The following TYW1B variants were observed in gnomAD, a reference collection of about 807,000 sequenced individuals.
TYW1B encodes the protein tRNA-yW synthesizing protein 1 homolog B, also known as S-adenosyl-L-methionine-dependent tRNA 4-demethylwyosine synthase TYW1B.
In TYW1B, 73 loss-of-function variants were observed where a neutral mutation model predicts 86.9. The ratio of observed to expected loss-of-function variants is 0.84; its 90% confidence interval spans 0.70 to 1.02. TYW1B has a LOEUF of 1.02. Among genes scored for constraint, TYW1B ranks in the 50% least tolerant of loss-of-function variants. The pLI is 0.00. For synonymous variants in TYW1B, 248 were observed against 292.8 expected (o/e 0.85, Z 1.56); for missense variants, 637 against 827.4 (o/e 0.77, Z 2.82).
intron 6 of TYW1B, among the ~76,000 whole-genome samples, chr7:72,800,520 G>T (rs1788386416): frequency 6.6e-6 from 1 of 151,940 alleles, no homozygotes; most frequent in Non-Finnish European, 1.5e-5. Flanking sequence ...TATTTTTAGA[G>T]TCCCTTTTAA....
chr7:72,738,908 CA>C (rs1304858653), intron 8 of TYW1B, among the ~76,000 whole-genome samples: 396 of 146,936 alleles, frequency 2.7e-3, no homozygotes, highest in African/African-American at 9.2e-3. Context: ...CTGTCTCTAT[CA>C]AAAAAAAAAA....
intron 6 of TYW1B, among the ~76,000 whole-genome samples, chr7:72,801,981 G>A (rs1454328590): frequency 2.0e-5 from 3 of 151,534 alleles, no homozygotes; most frequent in African/African-American, 4.9e-5. Flanking sequence ...CCAACCCACA[G>A]CCCACTGGCC....
At position 72,810,520 on chromosome 7, in the gene TYW1B, T is replaced by C. The variant is rs782284907; in HGVS notation, c.383A>G (p.Asp128Gly). The C allele has an allele frequency of 4.3e-6, 7 of 1,613,794 alleles. No individual in the cohort carries two copies. The highest frequency in any genetic ancestry group is 5.9e-6 in the Non-Finnish European group (7 of 1,179,866). ...FGKTYLKGMRDAVFGLGNSAY... is the reference protein window; with the variant it reads ...FGKTYLKGMRGAVFGLGNSAY... ...AGAATTTCCCAGGCCAAATACCGCATCTCTCATACCCTTCAGGTAAGTTTT... is the reference window on the plus strand; with the variant it reads ...AGAATTTCCCAGGCCAAATACCGCACCTCTCATACCCTTCAGGTAAGTTTT... Residue 128 changes from aspartate to glycine, a missense_variant, in exon 4 of 14, where the codon GAT (aspartate) becomes GGT (glycine). Physicochemically the swap from Asp to Gly is moderately conservative, Grantham distance 94 (BLOSUM62 -1). Coordinates refer to ENST00000620995, the MANE Select transcript of TYW1B (RefSeq NM_001145440.3).
chr7:72,711,258 G>C (rs1786655256), intron 10 of TYW1B, among the ~76,000 whole-genome samples: 1 of 152,052 alleles, frequency 6.6e-6, no homozygotes, highest in African/African-American at 2.4e-5. Context: ...TATGGGAACA[G>C]ACACACACCT....
chr7:72,635,256 G>A (rs370272219), intron 11 of TYW1B, among the ~76,000 whole-genome samples: 1 of 152,082 alleles, frequency 6.6e-6, no homozygotes, highest in Non-Finnish European at 1.5e-5. Flanking sequence ...TCTCCTTCTG[G>A]TTTTTTCTAT....
intron 11 of TYW1B, among the ~76,000 whole-genome samples, chr7:72,671,595 G>A (rs1250837801): frequency 1.3e-5 from 2 of 152,126 alleles, no homozygotes; most frequent in African/African-American, 4.8e-5. Flanking sequence ...CCAGGTGTAT[G>A]AGAGTACTTA....
chr7:72,729,609 C>CA lies in TYW1B; in HGVS notation c.1083-679dup, dbSNP rs551735498. 1.5e-3 allele frequency among the ~76,000 whole-genome samples: 222 copies of CA among 151,594 alleles called. 3 individuals carry two copies. The East Asian group carries it at 0.033, about 22-fold the overall frequency. On this transcript the variant is annotated intron_variant, in intron 8 of 13. Coordinates refer to ENST00000620995, the MANE Select transcript of TYW1B (RefSeq NM_001145440.3). The stretch of plus-strand genomic sequence containing the variant: ...TGAGCCCATGCAGAACCTTGTAGTC[C>CA]AAAAAAAACAGGCAGCACAGTACAG...
chr7:72,785,172 TTAGA>T (rs1282629611), intron 6 of TYW1B, among the ~76,000 whole-genome samples: 2 of 152,024 alleles, frequency 1.3e-5, no homozygotes, highest in African/African-American at 4.8e-5. Flanking sequence ...AGAAGAAGTC[TTAGA>T]TAGTACTACA....
chr7:72,818,026 G>A (rs552654020), intron 2 of TYW1B, among the ~76,000 whole-genome samples: 3 of 149,916 alleles, frequency 2.0e-5, no homozygotes, highest in Admixed American at 6.7e-5. Flanking sequence ...TCAGCTTGCC[G>A]CCCTCCCCTT....
intron 7 of TYW1B, among the ~76,000 whole-genome samples, chr7:72,746,211 T>C (rs13307474): frequency 6.6e-6 from 1 of 152,176 alleles, no homozygotes; most frequent in Non-Finnish European, 1.5e-5. Flanking sequence ...TTGACCATGA[T>C]GCCTTTTAAC....
intron 13 of TYW1B, among the ~76,000 whole-genome samples, chr7:72,581,317 TGAG>T (rs1554429590): frequency 6.7e-6 from 1 of 149,454 alleles, no homozygotes. Flanking sequence ...CTGCAGAAAA[TGAG>T]AAGACCCTAC....
chr7:72,826,927 C>A lies in TYW1B; in HGVS notation c.63G>T (p.Arg21Ser), dbSNP rs782184025. ...CAGCAAAGCCCAGATAAATGTAAAACCTGTTTATCCATAATGATATTAAAG... is the reference window on the plus strand; with the variant it reads ...CAGCAAAGCCCAGATAAATGTAAAAACTGTTTATCCATAATGATATTAAAG... ...SSPLISLWINRFYIYLGFAVS... is the reference protein window; with the variant it reads ...SSPLISLWINSFYIYLGFAVS... The change falls in exon 2 of 14, where the codon AGG (arginine) becomes AGT (serine). Residue 21 changes from arginine (R) to serine (S), a missense_variant. Coordinates refer to ENST00000620995, the MANE Select transcript of TYW1B (RefSeq NM_001145440.3). 1.4e-5 allele frequency: 23 copies of A among 1,613,698 alleles called. No homozygotes were observed. In the Middle Eastern group the frequency reaches 6.6e-4, roughly 46 times the overall value.
chr7:72,764,878 G>A (rs1399414523), intron 7 of TYW1B, among the ~76,000 whole-genome samples: 1 of 152,076 alleles, frequency 6.6e-6, no homozygotes, highest in Non-Finnish European at 1.5e-5. Context: ...TCTCACATAA[G>A]CTATCTATAG....
In TYW1B at chr7:72,578,755, T is replaced by C. The variant is rs188794197; in HGVS notation, c.1786-3036A>G. ...AATACAACATAGCGTGTATAGTGGG[T>C]GAGGTTATGTACAAGGCACTTGGGG... On this transcript the variant is annotated intron_variant, in intron 13 of 13. Transcript: ENST00000620995. Among the ~76,000 whole-genome samples the C allele has an allele frequency of 1.8e-3, 280 of 152,202 alleles. 1 individual carries two copies. Among genetic ancestry groups the C allele is most frequent in the African/African-American group, 6.5e-3 (268 of 41,522 alleles).
intron 13 of TYW1B, among the ~76,000 whole-genome samples, chr7:72,596,179 CAAA>C (rs58325295): frequency 0.014 from 817 of 56,392 alleles, 24 homozygotes; most frequent in East Asian, 0.099. Context: ...AACTCTGTCT[CAAA>C]AAAAAAAAAA....
intron 6 of TYW1B, among the ~76,000 whole-genome samples, chr7:72,799,621 A>T (rs1554475261): frequency 6.6e-6 from 1 of 151,078 alleles, no homozygotes; most frequent in African/African-American, 2.4e-5. Flanking sequence ...GCCCACCACC[A>T]CACCTGGCTA....
chr7:72,698,211 T>A (rs1814370139), intron 10 of TYW1B, among the ~76,000 whole-genome samples: 1 of 152,186 alleles, frequency 6.6e-6, no homozygotes, highest in African/African-American at 2.4e-5. Flanking sequence ...GCTGGCACAC[T>A]CTGCCGTGTG....
At position 72,744,572 on chromosome 7, in the gene TYW1B, G is replaced by A. The variant is rs1211379015; in HGVS notation, c.994C>T (p.Gln332Ter). The change falls in exon 8 of 14, where the codon CAA (glutamine) becomes TAA (stop). Residue 332 changes from glutamine to a stop codon, truncating the protein, a stop_gained. Coordinates refer to ENST00000620995, the MANE Select transcript of TYW1B (RefSeq NM_001145440.3). LOFTEE classifies it high-confidence loss of function. ...CTCTCATTCCATAGAATGTGTGTTT[G>A]TAACAAGCTCCTCTCCCTCGGAGCA... The part of the protein sequence containing the change: ...VDAPRERSLL[Q>*]THILWNESHR... 46 of 1,613,540 alleles carry A rather than the reference G, an allele frequency of 2.9e-5. No individual in the cohort carries two copies. The highest frequency in any genetic ancestry group is 3.6e-5 in the Non-Finnish European group (42 of 1,179,688).
chr7:72,606,403 C>CTACCAGGG (rs1187347069), intron 13 of TYW1B, among the ~76,000 whole-genome samples: 1 of 152,172 alleles, frequency 6.6e-6, no homozygotes, highest in African/African-American at 2.4e-5. Context: ...TTGACTCCTA[C>CTACCAGGG]TACCAGGGCG....
Sources: allele counts gnomAD v4.1 joint callset (sites outside exome capture counted in the v4.1 genomes callset), GRCh38; gene constraint gnomAD v4.1.1; transcripts MANE v1.5; gene names NCBI Gene and HGNC (gene_info 2026-07-23, HGNC 2026-07-21).